Variants in ZNF667 observed in about 807,000 individuals in gnomAD.
ZNF667 encodes the protein zinc finger protein 667.
In ZNF667, 13 loss-of-function variants were observed where a neutral mutation model predicts 31.8. The observed-to-expected ratio is 0.41, with a 90% CI of 0.27 to 0.65. The LOEUF (loss-of-function observed/expected upper bound fraction) is 0.65. Ranked by LOEUF, ZNF667 falls within the 30% of genes least tolerant of loss-of-function variation. The pLI, the probability that ZNF667 is intolerant of heterozygous loss-of-function variation, is 0.32. For missense variants in ZNF667, 642 were observed against 725.6 expected, an observed-to-expected ratio of 0.88 and a Z score of 1.32; for synonymous variants, 228 against 247.1, an observed-to-expected ratio of 0.92 and a Z score of 0.73.
chr19:56,466,871 G>A, intron 3 of ZNF667: 1 of 398,260 alleles, frequency 2.5e-6, no homozygotes. Context: ...GCACATTCCA[G>A]GTTTAATGAC....
chr19:56,443,782 C>T (rs910766094), intron 6 of ZNF667, among the ~76,000 whole-genome samples: 24 of 152,138 alleles, frequency 1.6e-4, no homozygotes, highest in Admixed American at 9.8e-4. Context: ...AAGAAGGAAT[C>T]TATTTTGTAG....
At chr19:56,462,533 G>GCACACA in intron 3 of ZNF667, 104 bp from the exon 4 acceptor site, 1 of 711,136 alleles carries the variant, frequency 1.4e-6, no homozygotes, top group Non-Finnish European at 2.5e-6. Flanking sequence ...ATATGCACGT[G>GCACACA]CACACACACA....
chr19:56,455,517 A>G (rs2042913354), intron 6 of ZNF667, among the ~76,000 whole-genome samples: 1 of 152,212 alleles, frequency 6.6e-6, no homozygotes, highest in African/African-American at 2.4e-5. Flanking sequence ...GAAATAAGCC[A>G]GACACAGACA....
At chr19:56,456,769 A>C (rs2042939097) in intron 6 of ZNF667, among the ~76,000 whole-genome samples, 1 of 152,218 alleles carries the variant, frequency 6.6e-6, no homozygotes, top group Non-Finnish European at 1.5e-5. Flanking sequence ...ATAACGATGA[A>C]ATCCAATTTC....
Position 56,442,319 on chromosome 19 carries a change from C to A in ZNF667, c.676G>T (p.Glu226Ter). The change falls in exon 7 of 7, where the codon GAA becomes TAA. Residue 226 changes from glutamate (E) to a stop codon, truncating the protein, a stop_gained. Transcript: ENST00000504904. LOFTEE classifies it low-confidence loss of function (END_TRUNC). ...ILHMRIHDGK[E>*]ILDCGKALSQ... ...AAGGCCTTCCCACAGTCAAGAATTT[C>A]CTTTCCATCATGAATTCTCATATGT... 1 of 1,613,888 alleles carries A rather than the reference C, an allele frequency of 6.2e-7. No individual in the cohort carries two copies. The highest frequency in any genetic ancestry group is 8.5e-7 in the Non-Finnish European group (1 of 1,179,912).
rs537486398 is a variant in ZNF667 at position 56,442,484 on chromosome 19, G to C, written c.511C>G (p.Pro171Ala). The C allele has an allele frequency of 9.3e-6, 15 of 1,613,658 alleles. No individual in the cohort carries two copies. Among genetic ancestry groups the C allele is most frequent in the South Asian group, 7.7e-5 (7 of 91,038 alleles). ...LHQNIHTGEK[P>A]FECSNCRKAF... ...TTTCTACAATTACTGCATTCAAAAG[G>C]CTTCTCTCCTGTATGAATGTTCTGA... is the stretch of plus-strand genomic sequence containing the variant. The change falls in exon 7 of 7, where the codon CCT becomes GCT. Residue 171 changes from proline (P) to alanine (A), a missense_variant. By Grantham distance (27) the Pro-to-Ala change is conservative (BLOSUM62 -1). Transcript: ENST00000504904.
intron 2 of ZNF667, among the ~76,000 whole-genome samples, chr19:56,473,795 GA>G (rs1268553449): frequency 6.6e-6 from 1 of 151,984 alleles, no homozygotes; most frequent in Non-Finnish European, 1.5e-5. Context: ...AAGTCATTTA[GA>G]AAAAAACAAA....
intron 6 of ZNF667, among the ~76,000 whole-genome samples, chr19:56,443,445 A>G (rs1416257356): frequency 1.3e-5 from 2 of 152,332 alleles, no homozygotes; most frequent in African/African-American, 2.4e-5. Context: ...ATAAACCTAG[A>G]TAGTATAGCC....
intron 3 of ZNF667, chr19:56,467,156 T>G (rs11881919): frequency 0.42 from 174,618 of 412,620 alleles, 38,419 homozygotes; most frequent in African/African-American, 0.61. Flanking sequence ...GGCCACATCA[T>G]GCTAAGGGGA....
intron 3 of ZNF667, among the ~76,000 whole-genome samples, chr19:56,465,287 G>A (rs1334228436): frequency 6.6e-6 from 1 of 152,236 alleles, no homozygotes; most frequent in South Asian, 2.1e-4. Context: ...CCGTAGGGGT[G>A]GAGGTAGAAG....
At chr19:56,447,187 G>A (rs921002055) in intron 6 of ZNF667, among the ~76,000 whole-genome samples, 4 of 151,904 alleles carry the variant, frequency 2.6e-5, no homozygotes, top group South Asian at 2.1e-4. Context: ...AAAAATAAGA[G>A]GTAAATAAAA....
chr19:56,459,374 C>A (rs1245838175), intron 5 of ZNF667, among the ~76,000 whole-genome samples: 4 of 152,268 alleles, frequency 2.6e-5, no homozygotes, highest in African/African-American at 9.6e-5. Context: ...TTCACTTCTG[C>A]TTCACCAGCT....
At chr19:56,449,263 C>T (rs1157121698) in intron 6 of ZNF667, 2 of 436,808 alleles carry the variant, frequency 4.6e-6, no homozygotes, top group East Asian at 7.2e-5. Flanking sequence ...TACTGACAAA[C>T]ATCCATAAGC....
chr19:56,455,199 G>C (rs543432522), intron 6 of ZNF667, among the ~76,000 whole-genome samples: 1 of 152,208 alleles, frequency 6.6e-6, no homozygotes, highest in East Asian at 1.9e-4. Context: ...TATGGAGAAA[G>C]GGGAACCCTC....
At position 56,474,092 on chromosome 19, in the gene ZNF667, G is replaced by A. The variant is rs376666801; in HGVS notation, c.-629C>T. ...GAGAAAGGGCTTTGAAAGGCACAAAGCTATGTCCTCCTGAGGTGAGGACGG... is the reference window on the plus strand; with the variant it reads ...GAGAAAGGGCTTTGAAAGGCACAAAACTATGTCCTCCTGAGGTGAGGACGG... On this transcript the variant is annotated 5_prime_UTR_variant, in exon 2 of 7. Transcript: ENST00000504904. 5.3e-5 allele frequency: 8 copies of A among 152,252 alleles called. No homozygotes were observed. Among genetic ancestry groups the A allele is most frequent in the Admixed American group, 3.3e-4 (5 of 15,292 alleles). 9.4% of individuals were successfully genotyped at this position (152,252 alleles called of 1,614,324 possible). A position where few individuals can be genotyped will look rare whatever the true frequency, so the allele number is the denominator to read the frequency against.
At position 56,465,846 on chromosome 19, in the gene ZNF667, G is replaced by C. The variant is rs185125428; in HGVS notation, c.-59-3417C>G. Among the ~76,000 whole-genome samples the C allele has an allele frequency of 8.3e-4, 126 of 152,196 alleles. 1 individual carries two copies. Among genetic ancestry groups the C allele is most frequent in the Non-Finnish European group, 1.5e-3 (104 of 67,996 alleles). ...CTGGCGTCTAAGGACCTGGCTGGGA[G>C]ACCATTCCCTACACGGATATAAAAC... On this transcript the variant is annotated intron_variant, in intron 3 of 6. Transcript: ENST00000504904.
intron 6 of ZNF667, among the ~76,000 whole-genome samples, chr19:56,452,883 C>T (rs1246714639): frequency 6.6e-6 from 1 of 151,042 alleles, no homozygotes; most frequent in Admixed American, 6.6e-5. Flanking sequence ...TGTGCCACTG[C>T]ACTCCAGCCT....
intron 3 of ZNF667, among the ~76,000 whole-genome samples, chr19:56,470,494 G>A (rs1340560354): frequency 6.6e-5 from 10 of 152,112 alleles, no homozygotes; most frequent in Admixed American, 5.9e-4. Flanking sequence ...AGAGAGGGAC[G>A]ATGACCCGCC....
chr19:56,468,812 A>C (rs2043222360), intron 3 of ZNF667: 1 of 152,262 alleles, frequency 6.6e-6, no homozygotes, highest in Non-Finnish European at 1.5e-5. Context: ...GGTCCTCTTT[A>C]TAAAACGGAG....
Sources: allele counts gnomAD v4.1 joint callset (sites outside exome capture counted in the v4.1 genomes callset), GRCh38; gene constraint gnomAD v4.1.1; transcripts MANE v1.5; gene names NCBI Gene and HGNC (gene_info 2026-07-23, HGNC 2026-07-21).